TNFRSF8: variants seen among roughly 807,000 people sequenced by gnomAD.
TNFRSF8 encodes TNF receptor superfamily member 8, also known as tumor necrosis factor receptor superfamily member 8.
A neutral mutation model predicts 70.8 loss-of-function variants in TNFRSF8; 26 were observed. The ratio of observed to expected loss-of-function variants is 0.37; its 90% CI spans 0.27 to 0.51. The LOEUF (loss-of-function observed/expected upper bound fraction) is 0.51. TNFRSF8 is among the 20% of genes least tolerant of loss of function. The pLI is 0.94. For missense variants in TNFRSF8, 720 were observed against 807.9 expected (o/e 0.89, Z 1.32); for synonymous variants, 356 against 339.2 (o/e 1.05, Z -0.54).
chr1:12,094,890 T>G (rs998226158), intron 2 of TNFRSF8, among the ~76,000 whole-genome samples: 11 of 152,074 alleles, frequency 7.2e-5, no homozygotes, highest in African/African-American at 2.7e-4. Context: ...CCTCCGAAAG[T>G]GCTGGGATTA....
intron 2 of TNFRSF8, 44 bp from the exon 3 acceptor site, chr1:12,097,057 T>C: frequency 1.9e-6 from 3 of 1,549,636 alleles, no homozygotes; most frequent in Non-Finnish European, 2.7e-6. Context: ...ATAAGGCCTT[T>C]GCTAAGTCAG....
Position 12,067,907 on chromosome 1 carries a change from G to GA in TNFRSF8, c.63+4246_63+4247insA, listed in dbSNP as rs1640770639. On this transcript the variant is annotated intron_variant, in intron 1 of 14. Transcript: ENST00000263932. The stretch of plus-strand genomic sequence containing the variant: ...GAGGCAAGGACGGCGGGGGGGCGGG[G>GA]GGGGGACCTGGAGAGGAGGGGACCC... Among the ~76,000 whole-genome samples, 2 of 134,666 alleles carry GA rather than the reference G, an allele frequency of 1.5e-5. 1 individual carries two copies. The highest frequency in any genetic ancestry group is 5.8e-4 in the South Asian group (2 of 3,432). The allele number at this position is 134,666 out of a possible 152,430, so 88.3% of individuals were successfully genotyped here.
chr1:12,130,624 CAG>C (rs1642030477), intron 12 of TNFRSF8, among the ~76,000 whole-genome samples: 1 of 152,210 alleles, frequency 6.6e-6, no homozygotes, highest in African/African-American at 2.4e-5. Flanking sequence ...TGGAGAATAA[CAG>C]GGATGGAAGG....
At chr1:12,090,541 C>T (rs1260461973) in intron 2 of TNFRSF8, among the ~76,000 whole-genome samples, 3 of 151,450 alleles carry the variant, frequency 2.0e-5, no homozygotes, top group Admixed American at 6.6e-5. Context: ...TCCACCTACT[C>T]GTTTATCCAT....
At position 12,135,632 on chromosome 1, in the gene TNFRSF8, C is replaced by T; in HGVS notation, c.1335+19C>T. 5 of 1,613,818 alleles carry T rather than the reference C, an allele frequency of 3.1e-6. No individual in the cohort carries two copies. Among genetic ancestry groups the T allele is most frequent in the Non-Finnish European group, 4.2e-6 (5 of 1,179,884 alleles). Reference sequence around the variant, plus strand: ...CTCAACGGTAAGTACCCCTCCCTTGCCCCCACCTCAGCTTCGTGCCCCTAA... The same window carrying T: ...CTCAACGGTAAGTACCCCTCCCTTGTCCCCACCTCAGCTTCGTGCCCCTAA... On this transcript the variant is annotated intron_variant, in intron 13 of 14. Coordinates refer to ENST00000263932, the MANE Select transcript of TNFRSF8 (RefSeq NM_001243.5).
Position 12,079,581 on chromosome 1 carries a change from C to A in TNFRSF8, c.64-4883C>A, listed in dbSNP as rs560982202. Among the ~76,000 whole-genome samples the A allele has an allele frequency of 2.6e-5, 4 of 152,370 alleles. No individual in the cohort carries two copies. The East Asian group carries it at 7.7e-4, about 29-fold the overall frequency. On this transcript the variant is annotated intron_variant, in intron 1 of 14. Transcript: ENST00000263932. ...GACGCCCCGGCCCTTGCCTCCTTCT[C>A]CACCGGGAGCTGGGACAGGTGAAGG...
At chr1:12,140,780 A>C (rs532537691) in intron 14 of TNFRSF8, among the ~76,000 whole-genome samples, 1 of 152,000 alleles carries the variant, frequency 6.6e-6, no homozygotes, top group Admixed American at 6.5e-5. Context: ...CCTTCTCCCT[A>C]ATCCAGCACC....
At chr1:12,123,897 A>G in intron 10 of TNFRSF8, 70 bp downstream of exon 10, 1 of 1,351,728 alleles carries the variant, frequency 7.4e-7, no homozygotes, top group Non-Finnish European at 1.0e-6. Context: ...GGATTGGGGG[A>G]GCCAGGAGGG....
intron 1 of TNFRSF8, among the ~76,000 whole-genome samples, chr1:12,081,386 A>T (rs1407014821): frequency 2.6e-5 from 4 of 152,200 alleles, no homozygotes; most frequent in Non-Finnish European, 4.4e-5. Context: ...CCCCAGGCCC[A>T]GGCTACTGAA....
At chr1:12,128,492 C>T (rs1038438677) in intron 12 of TNFRSF8, among the ~76,000 whole-genome samples, 26 of 152,208 alleles carry the variant, frequency 1.7e-4, no homozygotes, top group African/African-American at 4.8e-4. Flanking sequence ...TCCACTCCTC[C>T]GGTGGCCTGT....
Position 12,109,706 on chromosome 1 carries a change from T to A in TNFRSF8, c.512+50T>A. ...CTCTTCCCCCAAGCTGGCTTTCAGA[T>A]GAGGCTGCCCCACCCCACAGGACGC... is the stretch of plus-strand genomic sequence containing the variant. On this transcript the variant is annotated intron_variant, in intron 5 of 14. Coordinates refer to ENST00000263932, the MANE Select transcript of TNFRSF8 (RefSeq NM_001243.5). This position sits in a 1 kb window ranked among gnomAD's most constrained non-coding sequence, Gnocchi z 4.4. 2 of 1,513,608 alleles carry A rather than the reference T, an allele frequency of 1.3e-6. No individual in the cohort carries two copies. The highest frequency in any genetic ancestry group is 1.8e-6 in the Non-Finnish European group (2 of 1,091,658). 93.8% of individuals were successfully genotyped at this position (1,513,608 alleles called of 1,614,324 possible). A position where few individuals can be genotyped will look rare whatever the true frequency, so the allele number is the denominator to read the frequency against.
At position 12,109,650 on chromosome 1, in the gene TNFRSF8, C is replaced by T. The variant is rs1557592401; in HGVS notation, c.506C>T (p.Pro169Leu). Reference sequence around the variant, plus strand: ...GCCAGCCCAGAGAACTGCAAGGAACCCTCCAGGTGACTCCCTGGCTTTGCC... The same window carrying T: ...GCCAGCCCAGAGAACTGCAAGGAACTCTCCAGGTGACTCCCTGGCTTTGCC... The part of the protein sequence containing the change: ...ACASPENCKE[P>L]SSGTIPQAKP... The change falls in exon 5 of 15, where the codon CCC (proline) becomes CTC (leucine). Residue 169 changes from proline to leucine, a missense_variant. By Grantham distance (98) the Pro-to-Leu change is moderately conservative (BLOSUM62 -3). Coordinates refer to ENST00000263932, the MANE Select transcript of TNFRSF8 (RefSeq NM_001243.5). This position sits in a 1 kb window ranked among gnomAD's most constrained non-coding sequence, Gnocchi z 4.4. The T allele has an allele frequency of 6.2e-7, 1 of 1,613,320 alleles. No homozygotes were observed. Among genetic ancestry groups the T allele is most frequent in the African/African-American group, 1.3e-5 (1 of 74,914 alleles).
At chr1:12,114,652 A>G (rs1469010271) in intron 7 of TNFRSF8, among the ~76,000 whole-genome samples, 2 of 140,908 alleles carry the variant, frequency 1.4e-5, no homozygotes, top group Non-Finnish European at 3.0e-5. Context: ...TAAAAATAAT[A>G]CCTCTAACAT....
intron 7 of TNFRSF8, among the ~76,000 whole-genome samples, chr1:12,114,684 GA>G (rs1003482359): frequency 5.7e-5 from 6 of 105,024 alleles, no homozygotes; most frequent in African/African-American, 9.7e-5. Flanking sequence ...GCTTTTGGAG[GA>G]AAAAAAATCT....
Position 12,142,232 on chromosome 1 carries a change from C to T in TNFRSF8, c.1544-55C>T. The T allele has an allele frequency of 6.7e-7, 1 of 1,503,028 alleles. No homozygotes were observed. The highest frequency in any genetic ancestry group is 1.3e-5 in the South Asian group (1 of 75,874). The allele number at this position is 1,503,028 out of a possible 1,614,324, so 93.1% of individuals were successfully genotyped here. On this transcript the variant is annotated intron_variant, in intron 14 of 14. Coordinates refer to ENST00000263932, the MANE Select transcript of TNFRSF8 (RefSeq NM_001243.5). This position sits in a 1 kb window ranked among gnomAD's most constrained non-coding sequence, Gnocchi z 5.0. ...CTCGGCCCTTCTCTGCCTCTTTGCTCCCATCCTGGCTGGTGCTCTGGCCTC... is the reference window on the plus strand; with the variant it reads ...CTCGGCCCTTCTCTGCCTCTTTGCTTCCATCCTGGCTGGTGCTCTGGCCTC...
intron 2 of TNFRSF8, among the ~76,000 whole-genome samples, chr1:12,087,689 A>T (rs909292477): frequency 1.3e-4 from 20 of 152,250 alleles, no homozygotes; most frequent in Non-Finnish European, 2.5e-4. Context: ...TGGGACCCAC[A>T]ATCCCAGCCA....
intron 1 of TNFRSF8, chr1:12,077,832 G>A (rs900039776): frequency 6.6e-6 from 1 of 151,894 alleles, no homozygotes; most frequent in African/African-American, 2.4e-5. Context: ...GGCAGGCAAG[G>A]AGGGCAGGGC....
intron 1 of TNFRSF8, among the ~76,000 whole-genome samples, chr1:12,079,762 G>C (rs971909197): frequency 6.6e-6 from 1 of 152,140 alleles, no homozygotes; most frequent in Non-Finnish European, 1.5e-5. Flanking sequence ...ACAGCAAGAA[G>C]ACTGCCCTCC....
In TNFRSF8 at chr1:12,126,171, G is replaced by A; in HGVS notation, c.1256-12G>A. On this transcript the variant is annotated splice_polypyrimidine_tract_variant and intron_variant, in intron 11 of 14. Coordinates refer to ENST00000263932, the MANE Select transcript of TNFRSF8 (RefSeq NM_001243.5). ...GCCGCCACCCCCAGCCTTCCTCCTG[G>A]TGTCGTTTCAGAGCTCCACCTGTGC... 6.2e-7 allele frequency: 1 copy of A among 1,614,104 alleles called. No individual in the cohort carries two copies. Among genetic ancestry groups the A allele is most frequent in the Non-Finnish European group, 8.5e-7 (1 of 1,180,014 alleles).
Sources: gnomAD v4.1 joint callset for allele counts (sites outside exome capture counted in the v4.1 genomes callset) on GRCh38, gnomAD v4.1.1 for gene constraint, Gnocchi (gnomAD v3.1) non-coding constraint, MANE v1.5 for transcripts, NCBI Gene and HGNC (gene_info 2026-07-23, HGNC 2026-07-21) for gene names.